Variants in LRRC25 observed in about 807,000 individuals in gnomAD.
LRRC25 encodes leucine rich repeat containing 25.
In LRRC25, 5 loss-of-function variants were observed where a neutral mutation model predicts 18.8. The observed-to-expected ratio is 0.27, with a 90% CI of 0.14 to 0.56. The LOEUF is 0.56. Ranked by LOEUF, LRRC25 falls within the 20% of genes least tolerant of loss-of-function variation. The pLI, the probability that LRRC25 is intolerant of heterozygous loss-of-function variation, is 0.93. For missense variants in LRRC25, 341 were observed against 389.8 expected (o/e 0.87, Z 1.05); for synonymous variants, 161 against 176.8 (o/e 0.91, Z 0.71).
In LRRC25 at chr19:18,397,071, C is replaced by G; in HGVS notation, c.-108G>C. Reference sequence around the variant, plus strand: ...TTATTATAGCTCAGACCAGCTCAAGCCGCTTCTGAAATGGTAAAACGCAGC... The same window carrying G: ...TTATTATAGCTCAGACCAGCTCAAGGCGCTTCTGAAATGGTAAAACGCAGC... On this transcript the variant is annotated 5_prime_UTR_variant, in exon 1 of 2. Transcript: ENST00000339007. 1 of 1,220,296 alleles carries G rather than the reference C, an allele frequency of 8.2e-7. No homozygotes were observed. 75.6% of individuals were successfully genotyped at this position (1,220,296 alleles called of 1,614,324 possible). A position where few individuals can be genotyped will look rare whatever the true frequency, so the allele number is the denominator to read the frequency against.
chr19:18,394,400 G>T (rs1293291758), intron 1 of LRRC25, among the ~76,000 whole-genome samples: 3 of 151,576 alleles, frequency 2.0e-5, no homozygotes, highest in African/African-American at 7.3e-5. Flanking sequence ...CCACCTCCTG[G>T]GTTCAAGTGA....
intron 1 of LRRC25, among the ~76,000 whole-genome samples, chr19:18,394,639 A>G (rs569759905): frequency 6.6e-6 from 1 of 151,286 alleles, no homozygotes; most frequent in African/African-American, 2.5e-5. Context: ...ACAGGGTTCC[A>G]CCATGTTGGT....
Position 18,396,208 on chromosome 19 carries a change from G to A in LRRC25, c.756C>T (p.Ala252=), listed in dbSNP as rs114616124. 1.4e-5 allele frequency: 22 copies of A among 1,603,924 alleles called. No individual in the cohort carries two copies. Among genetic ancestry groups the A allele is most frequent in the Non-Finnish European group, 1.7e-5 (20 of 1,172,254 alleles). The change falls in exon 1 of 2, where the codon GCC becomes GCT. Residue 252 remains alanine, a synonymous_variant. Transcript: ENST00000339007. ...ACCCTTGTTCATCCCACTGGTGCTC[G>A]GCTGCTGGCTGGCCCACAAACATGT... The part of the protein sequence containing the change: ...YENMFVGQPA[A]EHQWDEQGAH...
intron 1 of LRRC25, among the ~76,000 whole-genome samples, chr19:18,395,198 C>T (rs991085565): frequency 1.3e-5 from 2 of 151,908 alleles, no homozygotes; most frequent in Non-Finnish European, 2.9e-5. Context: ...GGTGAAACCC[C>T]GTCTCTACTA....
In LRRC25 at chr19:18,396,525, G is replaced by A. The variant is rs1971971694; in HGVS notation, c.439C>T (p.His147Tyr). 3 of 1,613,602 alleles carry A rather than the reference G, an allele frequency of 1.9e-6. No individual in the cohort carries two copies. Among genetic ancestry groups the A allele is most frequent in the Non-Finnish European group, 2.5e-6 (3 of 1,180,042 alleles). The change falls in exon 1 of 2, where the codon CAC becomes TAC. Residue 147 changes from histidine (H) to tyrosine (Y), a missense_variant. By Grantham distance (83) the His-to-Tyr change is moderately conservative (BLOSUM62 2). Coordinates refer to ENST00000339007, the MANE Select transcript of LRRC25 (RefSeq NM_145256.3). ...ACCTCCAGGAAGGCAGAGAGGTTGT[G>A]CTGGGAGCTGGTTGTGTCCCAGCAG... The part of the protein sequence containing the change: ...LLCWDTTSSQ[H>Y]NLSAFLEVSC...
chr19:18,392,649 G>C (rs1182629697), intron 1 of LRRC25, among the ~76,000 whole-genome samples: 1 of 152,114 alleles, frequency 6.6e-6, no homozygotes, highest in East Asian at 1.9e-4. Context: ...GGTTCTGTGG[G>C]TGTAACGCTG....
intron 1 of LRRC25, among the ~76,000 whole-genome samples, chr19:18,395,073 T>C (rs1319578184): frequency 6.7e-6 from 1 of 149,632 alleles, no homozygotes; most frequent in Non-Finnish European, 1.5e-5. Flanking sequence ...AATGACACTG[T>C]CTCAAAAAAA....
chr19:18,394,104 C>T (rs966636950), intron 1 of LRRC25, among the ~76,000 whole-genome samples: 2 of 152,012 alleles, frequency 1.3e-5, no homozygotes, highest in Non-Finnish European at 2.9e-5. Context: ...ACAGCCATGG[C>T]CGCGGCCCCT....
At position 18,396,644 on chromosome 19, in the gene LRRC25, C is replaced by A. The variant is rs772139017; in HGVS notation, c.320G>T (p.Arg107Leu). ...GTCGGCCTGCAGGTCAAGGTCACAGCGGGCGGCCAGCGCCCCATCCACACG... is the reference window on the plus strand; with the variant it reads ...GTCGGCCTGCAGGTCAAGGTCACAGAGGGCGGCCAGCGCCCCATCCACACG... ...LSRVDGALAA[R>L]CDLDLQADCN... Residue 107 changes from arginine to leucine, a missense_variant, in exon 1 of 2, where the codon CGC becomes CTC. Coordinates refer to ENST00000339007, the MANE Select transcript of LRRC25 (RefSeq NM_145256.3). The A allele has an allele frequency of 4.3e-6, 7 of 1,614,044 alleles. No individual in the cohort carries two copies. In the South Asian group the frequency reaches 7.7e-5, roughly 18 times the overall value.
At position 18,397,196 on chromosome 19, in the gene LRRC25, A is replaced by G; in HGVS notation, c.-233T>C. The G allele has an allele frequency of 1.7e-6, 1 of 580,738 alleles. No homozygotes were observed. Among genetic ancestry groups the G allele is most frequent in the East Asian group, 2.8e-5 (1 of 35,436 alleles). The allele number at this position is 580,738 out of a possible 1,614,324, so 36.0% of individuals were successfully genotyped here. On this transcript the variant is annotated 5_prime_UTR_variant, in exon 1 of 2. Transcript: ENST00000339007. ...TGCTTAGCGGGCTTGGAAGGCGAGGAGGAGATCCGGGCCAGTTAACCCCTT... is the reference window on the plus strand; with the variant it reads ...TGCTTAGCGGGCTTGGAAGGCGAGGGGGAGATCCGGGCCAGTTAACCCCTT...
chr19:18,393,339 T>C (rs1971924971), intron 1 of LRRC25, among the ~76,000 whole-genome samples: 2 of 152,152 alleles, frequency 1.3e-5, no homozygotes, highest in African/African-American at 2.4e-5. Flanking sequence ...AAAGGGCCAC[T>C]GGGCCAGGTG....
rs1157348524 is a variant in LRRC25 at position 18,397,037 on chromosome 19, C to T, written c.-74G>A. On this transcript the variant is annotated 5_prime_UTR_variant, in exon 1 of 2. Coordinates refer to ENST00000339007, the MANE Select transcript of LRRC25 (RefSeq NM_145256.3). ...CTGTGGTCGCCCTCGCCTCCACCGC[C>T]AGTGTTTATTATTATAGCTCAGACC... is the stretch of plus-strand genomic sequence containing the variant. The T allele has an allele frequency of 1.4e-6, 2 of 1,442,134 alleles. No individual in the cohort carries two copies. The highest frequency in any genetic ancestry group is 9.3e-7 in the Non-Finnish European group (1 of 1,071,072). 89.3% of individuals were successfully genotyped at this position (1,442,134 alleles called of 1,614,324 possible). A position where few individuals can be genotyped will look rare whatever the true frequency, so the allele number is the denominator to read the frequency against.
chr19:18,396,073 C>T, intron 1 of LRRC25, 112 bp downstream of exon 1: 1 of 1,316,938 alleles, frequency 7.6e-7, no homozygotes, highest in Non-Finnish European at 1.0e-6. Context: ...TAAAGCTACT[C>T]ACCTAAGATC....
intron 1 of LRRC25, among the ~76,000 whole-genome samples, chr19:18,394,830 C>G (rs1245964319): frequency 3.3e-5 from 5 of 152,200 alleles, no homozygotes; most frequent in Non-Finnish European, 7.3e-5. Context: ...ATAATGCCAG[C>G]ACTTTGGGAG....
intron 1 of LRRC25, among the ~76,000 whole-genome samples, chr19:18,394,405 A>C (rs1213806502): frequency 2.0e-5 from 3 of 150,464 alleles, no homozygotes; most frequent in Non-Finnish European, 4.4e-5. Flanking sequence ...TCCTGGGTTC[A>C]AGTGATTCTT....
At position 18,397,390 on chromosome 19, in the gene LRRC25, G is replaced by A; in HGVS notation, c.-427C>T. The A allele has an allele frequency of 4.7e-6, 1 of 210,988 alleles. No individual in the cohort carries two copies. Among genetic ancestry groups the A allele is most frequent in the East Asian group, 1.1e-4 (1 of 9,452 alleles). The allele number at this position is 210,988 out of a possible 1,614,324, so 13.1% of individuals were successfully genotyped here. A position where few individuals can be genotyped will look rare whatever the true frequency, so the allele number is the denominator to read the frequency against. ...TAGGGTGGAGTGGGGGCTGCTGAAA[G>A]GGTCCTCCCAGGTCTGGTTTGCAGT... On this transcript the variant is annotated 5_prime_UTR_variant, in exon 1 of 2. Coordinates refer to ENST00000339007, the MANE Select transcript of LRRC25 (RefSeq NM_145256.3).
rs1285507119 is a variant in LRRC25 at position 18,396,631 on chromosome 19, G to A, written c.333C>T (p.Asp111=). ...GGGCACAGTTGCAGTCGGCCTGCAG[G>A]TCAAGGTCACAGCGGGCGGCCAGCG... is the stretch of plus-strand genomic sequence containing the variant. ...DGALAARCDL[D]LQADCNCALE... Residue 111 remains aspartate (D), a synonymous_variant, in exon 1 of 2, where the codon GAC becomes GAT. Transcript: ENST00000339007. The A allele has an allele frequency of 1.2e-6, 2 of 1,613,988 alleles. No homozygotes were observed. Among genetic ancestry groups the A allele is most frequent in the African/African-American group, 2.7e-5 (2 of 74,942 alleles).
At position 18,396,605 on chromosome 19, in the gene LRRC25, A is replaced by G; in HGVS notation, c.359T>C (p.Leu120Pro). The change falls in exon 1 of 2, where the codon CTG (leucine) becomes CCG (proline). Residue 120 changes from leucine to proline, a missense_variant. Transcript: ENST00000339007. ...TCGGCGGATGTCGTGCCAGGACTCC[A>G]GGGCACAGTTGCAGTCGGCCTGCAG... Reference protein sequence around the residue: ...LDLQADCNCALESWHDIRRDN... With the variant: ...LDLQADCNCAPESWHDIRRDN... 1 of 1,613,964 alleles carries G rather than the reference A, an allele frequency of 6.2e-7. No individual in the cohort carries two copies. Among genetic ancestry groups the G allele is most frequent in the Non-Finnish European group, 8.5e-7 (1 of 1,180,034 alleles).
chr19:18,394,362 G>C (rs1422941473), intron 1 of LRRC25, among the ~76,000 whole-genome samples: 1 of 146,142 alleles, frequency 6.8e-6, no homozygotes, highest in Non-Finnish European at 1.5e-5. Context: ...CTGGGGTGCA[G>C]TGGTGCGATC....
Sources: gnomAD v4.1 joint callset for allele counts (sites outside exome capture counted in the v4.1 genomes callset) on GRCh38, gnomAD v4.1.1 for gene constraint, MANE v1.5 for transcripts, NCBI Gene and HGNC (gene_info 2026-07-23, HGNC 2026-07-21) for gene names.